Variants in GTF2A2 observed in about 807,000 individuals in gnomAD.
GTF2A2 encodes transcription initiation factor IIA subunit 2.
In GTF2A2, 9 loss-of-function variants were observed where a neutral mutation model predicts 14.3. That is an observed-to-expected ratio of 0.63 (90% CI 0.38 to 1.10). The LOEUF is 1.10. GTF2A2 is among the 50% of genes least tolerant of loss of function. The pLI is 0.01. For synonymous variants in GTF2A2, 56 were observed against 46.0 expected (o/e 1.22, Z -0.88); for missense variants, 90 against 124.6 (o/e 0.72, Z 1.32).
At position 59,640,638 on chromosome 15, in the gene GTF2A2, T is replaced by TACTGGTGTATGTCATTAATTCA. The variant is rs1165530547; in HGVS notation, c.304+1476_305-1482dup. On this transcript the variant is annotated intron_variant, in intron 4 of 4. Coordinates refer to ENST00000396060, the MANE Select transcript of GTF2A2 (RefSeq NM_004492.3). The stretch of plus-strand genomic sequence containing the variant: ...CGTGCTAAAAAAAAGTTCTAAGCAG[T>TACTGGTGTATGTCATTAATTCA]ACTGGTGTATGTCATTAATTCATTT... Among the ~76,000 whole-genome samples the TACTGGTGTATGTCATTAATTCA allele has an allele frequency of 5.3e-5, 8 of 152,338 alleles. No homozygotes were observed. The South Asian group carries it at 1.7e-3, about 32-fold the overall frequency.
chr15:59,640,508 A>C (rs1480012036), intron 4 of GTF2A2, among the ~76,000 whole-genome samples: 1 of 152,182 alleles, frequency 6.6e-6, no homozygotes, highest in African/African-American at 2.4e-5. Context: ...GGCTAAATTC[A>C]AATTAATAAA....
chr15:59,646,051 T>C (rs1040006806), intron 3 of GTF2A2, among the ~76,000 whole-genome samples: 1 of 125,614 alleles, frequency 8.0e-6, no homozygotes, highest in African/African-American at 3.0e-5. Flanking sequence ...AAAAAAAAAG[T>C]GTGTATATTA....
chr15:59,653,768 C>G (rs1891863523), intron 1 of GTF2A2, among the ~76,000 whole-genome samples: 1 of 152,154 alleles, frequency 6.6e-6, no homozygotes, highest in African/African-American at 2.4e-5. Context: ...GTAGGTAGCT[C>G]AAATTCAATT....
intron 2 of GTF2A2, chr15:59,651,912 G>T: frequency 4.2e-6 from 1 of 240,554 alleles, no homozygotes; most frequent in South Asian, 7.3e-5. Context: ...TCAAACTTCT[G>T]GCCTCAAGCG....
chr15:59,645,108 T>A (rs1253032307), intron 3 of GTF2A2, among the ~76,000 whole-genome samples: 1 of 151,970 alleles, frequency 6.6e-6, no homozygotes, highest in Non-Finnish European at 1.5e-5. Flanking sequence ...TATGGTGGGG[T>A]TGGGGGACAG....
At chr15:59,654,432 T>A (rs1891884631) in intron 1 of GTF2A2, among the ~76,000 whole-genome samples, 1 of 152,194 alleles carries the variant, frequency 6.6e-6, no homozygotes, top group Non-Finnish European at 1.5e-5. Flanking sequence ...CATTACTCCA[T>A]CAGAAAGGCC....
chr15:59,641,647 A>G, intron 4 of GTF2A2, among the ~76,000 whole-genome samples: 1 of 152,200 alleles, frequency 6.6e-6, no homozygotes, highest in East Asian at 1.9e-4. Flanking sequence ...AGAAGTTCCT[A>G]GGTCTGGTGT....
At chr15:59,648,767 T>A (rs1286420561) in intron 3 of GTF2A2, among the ~76,000 whole-genome samples, 1 of 151,976 alleles carries the variant, frequency 6.6e-6, no homozygotes, top group Non-Finnish European at 1.5e-5. Context: ...ACCCCCTCTC[T>A]ACTAAAAATA....
At chr15:59,646,508 T>C (rs1354647209) in intron 3 of GTF2A2, among the ~76,000 whole-genome samples, 1 of 152,198 alleles carries the variant, frequency 6.6e-6, no homozygotes, top group Non-Finnish European at 1.5e-5. Context: ...GTTATGTAAA[T>C]AATTTAAACA....
chr15:59,639,416 C>CATAATTGTTACATAACCTT (rs1891311530), intron 4 of GTF2A2, among the ~76,000 whole-genome samples: 1 of 151,684 alleles, frequency 6.6e-6, no homozygotes, highest in Non-Finnish European at 1.5e-5. Flanking sequence ...ATTTGGTTCA[C>CATAATTGTTACATAACCTT]ATAATTGTTA....
rs575335240 is a variant in GTF2A2, at chr15:59,655,962, TG to T, written c.-50+1443del. On this transcript the variant is annotated intron_variant, in intron 1 of 4. Transcript: ENST00000396060. ...CCTGACCTGGGCCACTCTCGTCATC[TG>T]GATTACTGCAAAAATCTCCTAAATG... Among the ~76,000 whole-genome samples, 291 of 152,320 alleles carry T rather than the reference TG, an allele frequency of 1.9e-3. 3 individuals carry two copies. The highest frequency in any genetic ancestry group is 0.014 in the Middle Eastern group (4 of 294).
intron 3 of GTF2A2, among the ~76,000 whole-genome samples, chr15:59,645,998 C>T (rs1264207782): frequency 1.3e-5 from 2 of 149,910 alleles, no homozygotes; most frequent in Non-Finnish European, 3.0e-5. Flanking sequence ...CACACCATTG[C>T]ACTCCAGCTT....
intron 3 of GTF2A2, among the ~76,000 whole-genome samples, chr15:59,647,664 C>T (rs1566930558): frequency 2.0e-5 from 3 of 152,020 alleles, no homozygotes; most frequent in South Asian, 4.1e-4. Context: ...CTGCAACCTC[C>T]GCCTCCTGGA....
chr15:59,642,194 T>G lies in GTF2A2; in HGVS notation c.246A>C (p.Arg82Ser). ...CCACTTTAATAAGTTCTGTCACCTCTCTGAATTCAACATCATTCAGTACAA... is the reference window on the plus strand; with the variant it reads ...CCACTTTAATAAGTTCTGTCACCTCGCTGAATTCAACATCATTCAGTACAA... ...WTFVLNDVEF[R>S]EVTELIKVDK... The change falls in exon 4 of 5, where the codon AGA becomes AGC. Residue 82 changes from arginine (R) to serine (S), a missense_variant. Coordinates refer to ENST00000396060, the MANE Select transcript of GTF2A2 (RefSeq NM_004492.3). 6.2e-7 allele frequency: 1 copy of G among 1,609,330 alleles called. No individual in the cohort carries two copies. The highest frequency in any genetic ancestry group is 8.5e-7 in the Non-Finnish European group (1 of 1,176,684).
At chr15:59,643,341 A>C (rs1891495777) in intron 3 of GTF2A2, among the ~76,000 whole-genome samples, 1 of 151,832 alleles carries the variant, frequency 6.6e-6, no homozygotes, top group African/African-American at 2.4e-5. Context: ...TGGCCTCCCA[A>C]AGTGCTGGGA....
At chr15:59,642,832 T>C (rs1414639864) in intron 3 of GTF2A2, among the ~76,000 whole-genome samples, 1 of 152,198 alleles carries the variant, frequency 6.6e-6, no homozygotes, top group African/African-American at 2.4e-5. Context: ...AGTGGTGCGA[T>C]CTTGGCTCAC....
intron 3 of GTF2A2, among the ~76,000 whole-genome samples, chr15:59,645,033 G>C (rs537966377): frequency 6.6e-6 from 1 of 152,296 alleles, no homozygotes; most frequent in African/African-American, 2.4e-5. Flanking sequence ...TAATAGTATA[G>C]TAAAGGGATC....
At chr15:59,653,209 AGAT>A (rs1343076317) in intron 1 of GTF2A2, among the ~76,000 whole-genome samples, 6 of 152,170 alleles carry the variant, frequency 3.9e-5, no homozygotes, top group Non-Finnish European at 8.8e-5. Context: ...ATTTAGAAAC[AGAT>A]GAGGGATGGG....
chr15:59,654,703 G>T (rs1455939151), intron 1 of GTF2A2, among the ~76,000 whole-genome samples: 1 of 152,152 alleles, frequency 6.6e-6, no homozygotes, highest in African/African-American at 2.4e-5. Context: ...ATGTATCTGA[G>T]TATGACACAA....
Sources: gnomAD v4.1 joint callset for allele counts (sites outside exome capture counted in the v4.1 genomes callset) on GRCh38, gnomAD v4.1.1 for gene constraint, MANE v1.5 for transcripts, NCBI Gene and HGNC (gene_info 2026-07-23, HGNC 2026-07-21) for gene names.